The following LCORL variants were observed in gnomAD, a reference collection of about 807,000 sequenced individuals.
LCORL encodes ligand-dependent nuclear receptor corepressor-like protein.
LCORL carries 41 observed loss-of-function variants against 141.8 expected under a neutral mutation model. The ratio of observed to expected loss-of-function variants is 0.29; its 90% CI spans 0.23 to 0.38. The LOEUF is 0.38. Among genes scored for constraint, LCORL ranks in the 10% least tolerant of loss-of-function variants. The pLI is 1.00. For synonymous variants in LCORL, 618 were observed against 694.1 expected (o/e 0.89, Z 1.72); for missense variants, 1,759 against 2,035.0 (o/e 0.86, Z 2.61).
chr4:18,012,546 G>A (rs545886205), intron 1 of LCORL, among the ~76,000 whole-genome samples: 19 of 152,184 alleles, frequency 1.2e-4, no homozygotes, highest in South Asian at 2.1e-4. Context: ...ATGGTCACAC[G>A]TAGGACTCAA....
intron 4 of LCORL, among the ~76,000 whole-genome samples, chr4:17,946,942 C>T (rs1033454756): frequency 2.6e-5 from 4 of 152,086 alleles, no homozygotes; most frequent in African/African-American, 9.6e-5. Context: ...TTATGGAAAA[C>T]TGGATGGAAG....
intron 4 of LCORL, among the ~76,000 whole-genome samples, chr4:17,917,099 T>G (rs1733563736): frequency 6.6e-6 from 1 of 151,670 alleles, no homozygotes; most frequent in South Asian, 2.1e-4. Flanking sequence ...CTCAGCCTCC[T>G]GAGTAGCTGG....
chr4:17,964,341 C>T (rs1441091912), intron 2 of LCORL, among the ~76,000 whole-genome samples: 1 of 152,038 alleles, frequency 6.6e-6, no homozygotes, highest in Non-Finnish European at 1.5e-5. Flanking sequence ...ATAAGGATCA[C>T]ATCATCTAAC....
chr4:17,952,008 A>G (rs554130806), intron 4 of LCORL, among the ~76,000 whole-genome samples: 1 of 152,340 alleles, frequency 6.6e-6, no homozygotes, highest in East Asian at 1.9e-4. Context: ...AAATATCATT[A>G]AAAAGCCTTA....
exon 7 of LCORL, chr4:17,873,751 T>C: frequency 8.1e-7 from 1 of 1,234,026 alleles, no homozygotes. Context: ...TAAATGATTG[T>C]ATTTAGCTTA....
At chr4:17,873,546 C>G in exon 7 of LCORL, 1 of 1,233,850 alleles carries the variant, frequency 8.1e-7, no homozygotes, top group Non-Finnish European at 1.0e-6. Flanking sequence ...AAAGTTAACA[C>G]ATTTGCTTAA....
chr4:17,972,428 T>C (rs1471312572), intron 2 of LCORL, among the ~76,000 whole-genome samples: 1 of 151,794 alleles, frequency 6.6e-6, no homozygotes, highest in African/African-American at 2.4e-5. Flanking sequence ...AGGCAATTAT[T>C]CAATTGAACA....
chr4:17,938,012 T>C (rs1335261366), intron 4 of LCORL, among the ~76,000 whole-genome samples: 2 of 150,952 alleles, frequency 1.3e-5, no homozygotes, highest in African/African-American at 4.9e-5. Context: ...TCTTTTTTTT[T>C]TTTTTTTTTG....
At chr4:17,909,310 C>G (rs1319343914) in exon 5 of LCORL, 2 of 1,608,292 alleles carry the variant, frequency 1.2e-6, no homozygotes, top group African/African-American at 2.7e-5. Context: ...TCCTGAGCAA[C>G]TAGGGGAATG....
At chr4:17,882,496 A>C in intron 6 of LCORL, 3 of 984,646 alleles carry the variant, frequency 3.0e-6, no homozygotes, top group Non-Finnish European at 3.6e-6. Flanking sequence ...GTCTAGTAAA[A>C]GTTAAAATGC....
At chr4:18,012,295 G>C (rs1723930747) in intron 1 of LCORL, among the ~76,000 whole-genome samples, 2 of 152,328 alleles carry the variant, frequency 1.3e-5, no homozygotes, top group South Asian at 2.1e-4. Context: ...CTAGGGTACA[G>C]CTTCCTTGTA....
At chr4:17,968,704 G>GC (rs1353746572) in intron 2 of LCORL, among the ~76,000 whole-genome samples, 1 of 152,106 alleles carries the variant, frequency 6.6e-6, no homozygotes, top group East Asian at 1.9e-4. Context: ...TATAAAAGCA[G>GC]CCATAGTCAA....
At chr4:17,911,861 T>C (rs1732597217) in intron 4 of LCORL, 1 of 465,050 alleles carries the variant, frequency 2.2e-6, no homozygotes, top group Non-Finnish European at 4.2e-6. Context: ...TCCGGGGACC[T>C]GGCCGTGGGG....
At chr4:17,872,637 C>G (rs1173619287) in intron 7 of LCORL, among the ~76,000 whole-genome samples, 1 of 152,004 alleles carries the variant, frequency 6.6e-6, no homozygotes, top group Non-Finnish European at 1.5e-5. Context: ...TAAGGTAATT[C>G]TGGTTTGCAT....
intron 5 of LCORL, among the ~76,000 whole-genome samples, chr4:17,890,238 A>G (rs957600550): frequency 1.5e-4 from 23 of 152,120 alleles, no homozygotes; most frequent in African/African-American, 5.5e-4. Flanking sequence ...CACATCCTTG[A>G]TAACACTTGG....
intron 5 of LCORL, among the ~76,000 whole-genome samples, chr4:17,895,042 A>T (rs897384000): frequency 7.7e-5 from 11 of 143,726 alleles, no homozygotes; most frequent in Admixed American, 2.1e-4. Flanking sequence ...TAATATATAT[A>T]AAAAAAGTTT....
chr4:17,872,731 T>G (rs1007513035), intron 7 of LCORL, among the ~76,000 whole-genome samples: 1 of 152,174 alleles, frequency 6.6e-6, no homozygotes, highest in Non-Finnish European at 1.5e-5. Flanking sequence ...AGAATCCTCA[T>G]CTTTATATCT....
chr4:17,936,940 C>A (rs909090865), intron 4 of LCORL, among the ~76,000 whole-genome samples: 1 of 152,134 alleles, frequency 6.6e-6, no homozygotes, highest in Non-Finnish European at 1.5e-5. Context: ...ATATGTAAGT[C>A]AATATGCTCA....
intron 5 of LCORL, among the ~76,000 whole-genome samples, chr4:17,901,712 G>GT (rs1730911428): frequency 6.6e-6 from 1 of 151,902 alleles, no homozygotes; most frequent in African/African-American, 2.4e-5. Context: ...TAGCAGTAGA[G>GT]TATATAACTT....
Sources: gnomAD v4.1 joint callset for allele counts (sites outside exome capture counted in the v4.1 genomes callset) on GRCh38, gnomAD v4.1.1 for gene constraint, MANE v1.5 for transcripts, NCBI Gene and HGNC (gene_info 2026-07-23, HGNC 2026-07-21) for gene names.